Variants in SLC45A4 observed in about 807,000 individuals in gnomAD.
The protein encoded by SLC45A4 is polyamine-transporter SLC45A4.
Under a neutral mutation model 63.7 loss-of-function variants are expected in SLC45A4, and 32 were observed. The observed-to-expected ratio is 0.50, with a 90% CI of 0.38 to 0.67. The LOEUF is 0.67. SLC45A4 is among the 30% of genes least tolerant of loss of function. The probability of loss-of-function intolerance (pLI) is 0.00; values close to 1 mark genes in which losing one functional copy is unlikely to be tolerated. For missense variants in SLC45A4, 1,027 were observed against 1,157.7 expected (o/e 0.89, Z 1.64); for synonymous variants, 535 against 510.0 (o/e 1.05, Z -0.66).
chr8:141,217,187 G>C lies in SLC45A4; in HGVS notation c.1632C>G (p.Ala544=). The change falls in exon 6 of 9, where the codon GCC becomes GCG. Residue 544 remains alanine (A), a splice_region_variant and synonymous_variant. Coordinates refer to ENST00000517878, the MANE Select transcript of SLC45A4 (RefSeq NM_001286646.2). ...GQVIFEGDPK[A]PSNSTAWQAY... ...CTTGCCAGGCGGTCGAGTTCGAGGG[G>C]GCCTGTTCCGGAAATGAGACGGGGG... 6.2e-7 allele frequency: 1 copy of C among 1,613,546 alleles called. No individual in the cohort carries two copies. The highest frequency in any genetic ancestry group is 8.5e-7 in the Non-Finnish European group (1 of 1,179,938).
rs1569558771 is a variant in SLC45A4, at chr8:141,252,447, A to ACGCCCACCTGCGCGTCTGTGAATTTCCG, written c.241+1541_241+1542insCGGAAATTCACAGACGCGCAGGTGGGCG. Reference sequence around the variant, plus strand: ...CCCACCTGCGTGTCTGTGAATTTCCATGTTTTCACGCCCACCTGTGCGTCT... The same window carrying ACGCCCACCTGCGCGTCTGTGAATTTCCG: ...CCCACCTGCGTGTCTGTGAATTTCCACGCCCACCTGCGCGTCTGTGAATTTCCGTGTTTTCACGCCCACCTGTGCGTCT... On this transcript the variant is annotated intron_variant, in intron 2 of 8. Coordinates refer to ENST00000517878, the MANE Select transcript of SLC45A4 (RefSeq NM_001286646.2). 84 of 48,430 alleles carry ACGCCCACCTGCGCGTCTGTGAATTTCCG rather than the reference A, an allele frequency of 1.7e-3. 3 individuals carry two copies. The highest frequency in any genetic ancestry group is 0.015 in the Middle Eastern group (1 of 68). The allele number at this position is 48,430 out of a possible 1,614,324, so 3.0% of individuals were successfully genotyped here.
intron 3 of SLC45A4, 82 bp downstream of exon 3, chr8:141,221,495 T>C (rs891425783): frequency 2.0e-6 from 3 of 1,485,004 alleles, no homozygotes; most frequent in East Asian, 2.3e-5. Context: ...TTCAACACCA[T>C]TCAGCTTTTA....
intron 1 of SLC45A4, among the ~76,000 whole-genome samples, chr8:141,258,508 T>G (rs1307066414): frequency 6.6e-6 from 1 of 152,114 alleles, no homozygotes; most frequent in Non-Finnish European, 1.5e-5. Flanking sequence ...GAGCATGGAC[T>G]CCAACCTTGG....
At chr8:141,276,939 C>T (rs771928071) in intron 1 of SLC45A4, among the ~76,000 whole-genome samples, 31 of 152,182 alleles carry the variant, frequency 2.0e-4, no homozygotes, top group African/African-American at 3.1e-4. Flanking sequence ...TAGGTGCTGA[C>T]GTCCCCCCGG....
rs749871411 is a variant in SLC45A4 at position 141,212,289 on chromosome 8, C to T, written c.2209G>A (p.Glu737Lys). Residue 737 changes from glutamate (E) to lysine (K), a missense_variant, in exon 8 of 9, where the codon GAA becomes AAA. Physicochemically the swap from Glu to Lys is moderately conservative, Grantham distance 56. Transcript: ENST00000517878. ...TCGCTGTTCCCACCGGCCCTGCCTT[C>T]GCCGGCCAACGGGGAAGACAGGCCT... The part of the protein sequence containing the change: ...QKGLSSPLAG[E>K]GRAGGNSEKP... 23 of 1,606,930 alleles carry T rather than the reference C, an allele frequency of 1.4e-5. No individual in the cohort carries two copies. Among genetic ancestry groups the T allele is most frequent in the South Asian group, 6.6e-5 (6 of 90,748 alleles).
At position 141,212,203 on chromosome 8, in the gene SLC45A4, C is replaced by T; in HGVS notation, c.2295G>A (p.Glu765=). The change falls in exon 8 of 9, where the codon GAG becomes GAA. Residue 765 remains glutamate (E), a synonymous_variant. Transcript: ENST00000517878. ...KEGLQGPVET[E]SVTPAGIDVC... ...ACGGGAGTGCGGCTCAGACCACGGA[C>T]TCTGTCTCCACCGGTCCCTGCAGGC... is the stretch of plus-strand genomic sequence containing the variant. 2 of 1,503,440 alleles carry T rather than the reference C, an allele frequency of 1.3e-6. No homozygotes were observed. Among genetic ancestry groups the T allele is most frequent in the East Asian group, 4.7e-5 (2 of 42,476 alleles). The allele number at this position is 1,503,440 out of a possible 1,614,324, so 93.1% of individuals were successfully genotyped here. A position where few individuals can be genotyped will look rare whatever the true frequency, so the allele number is the denominator to read the frequency against.
Position 141,215,203 on chromosome 8 carries a change from CAT to C in SLC45A4, c.1941+554_1941+555del, listed in dbSNP as rs1380982213. On this transcript the variant is annotated intron_variant, in intron 7 of 8. Coordinates refer to ENST00000517878, the MANE Select transcript of SLC45A4 (RefSeq NM_001286646.2). The surrounding 1 kb of genome is among the most constrained non-coding windows in gnomAD (Gnocchi z 4.3). ...TGAGCATTTGAGATAAAGCTCGTCTCATGTGTGATGTGCTGTGATGTAACATA... is the reference window on the plus strand; with the variant it reads ...TGAGCATTTGAGATAAAGCTCGTCTCGTGTGATGTGCTGTGATGTAACATA... Among the ~76,000 whole-genome samples the C allele has an allele frequency of 6.6e-6, 1 of 152,224 alleles. No homozygotes were observed. Among genetic ancestry groups the C allele is most frequent in the Non-Finnish European group, 1.5e-5 (1 of 68,040 alleles).
At chr8:141,265,434 C>T (rs992474383) in intron 1 of SLC45A4, among the ~76,000 whole-genome samples, 2 of 152,216 alleles carry the variant, frequency 1.3e-5, no homozygotes, top group African/African-American at 2.4e-5. Context: ...TCTCACACTG[C>T]GCGGGGGCAA....
chr8:141,275,674 C>A (rs1375238750), intron 1 of SLC45A4, among the ~76,000 whole-genome samples: 1 of 151,278 alleles, frequency 6.6e-6, no homozygotes, highest in Non-Finnish European at 1.5e-5. Flanking sequence ...CACTAAGAAA[C>A]CTTAAATATC....
intron 1 of SLC45A4, among the ~76,000 whole-genome samples, chr8:141,306,682 G>A (rs1018463522): frequency 4.6e-5 from 7 of 152,204 alleles, no homozygotes; most frequent in African/African-American, 1.7e-4. Flanking sequence ...AATAACAGAA[G>A]GATAAGATTC....
intron 2 of SLC45A4, among the ~76,000 whole-genome samples, chr8:141,232,814 G>A (rs1389588360): frequency 6.6e-6 from 1 of 152,248 alleles, no homozygotes; most frequent in Non-Finnish European, 1.5e-5. Context: ...GCGCTCGCGA[G>A]CTGCAACGGG....
intron 1 of SLC45A4, among the ~76,000 whole-genome samples, chr8:141,297,671 T>C (rs1315536326): frequency 1.3e-5 from 2 of 152,236 alleles, no homozygotes; most frequent in East Asian, 3.9e-4. Flanking sequence ...GCCCGGCCAG[T>C]GGCCATGCCA....
intron 1 of SLC45A4, among the ~76,000 whole-genome samples, chr8:141,265,222 G>T (rs62524182): frequency 0.061 from 9,273 of 152,288 alleles, 443 homozygotes; most frequent in Admixed American, 0.15. Flanking sequence ...CTCACCCACA[G>T]CCCTTGCTGG....
In SLC45A4 at chr8:141,254,084, A is replaced by G. The variant is rs1235124915; in HGVS notation, c.146T>C (p.Met49Thr). ...ISEGSIDRIPMRLWVMHGAVM... is the reference protein window; with the variant it reads ...ISEGSIDRIPTRLWVMHGAVM... Reference sequence around the variant, plus strand: ...CGCCCCGTGCATCACCCACAGGCGCATGGGGATTCGGTCTATGGACCCCTC... The same window carrying G: ...CGCCCCGTGCATCACCCACAGGCGCGTGGGGATTCGGTCTATGGACCCCTC... The change falls in exon 2 of 9, where the codon ATG becomes ACG. Residue 49 changes from methionine (M) to threonine (T), a missense_variant. By Grantham distance (81) the Met-to-Thr change is moderately conservative. Transcript: ENST00000517878. This position sits in a 1 kb window ranked among gnomAD's most constrained non-coding sequence, Gnocchi z 4.5. The G allele has an allele frequency of 7.8e-6, 12 of 1,536,058 alleles. No individual in the cohort carries two copies. Among genetic ancestry groups the G allele is most frequent in the Admixed American group, 2.0e-5 (1 of 50,984 alleles).
intron 1 of SLC45A4, among the ~76,000 whole-genome samples, chr8:141,270,893 G>T (rs1465820938): frequency 1.3e-5 from 2 of 152,170 alleles, no homozygotes; most frequent in East Asian, 3.9e-4. Flanking sequence ...TCACGTGCTT[G>T]TGTCTCCCCA....
chr8:141,247,322 A>G (rs1190827232), intron 2 of SLC45A4, among the ~76,000 whole-genome samples: 4 of 100,264 alleles, frequency 4.0e-5, no homozygotes, highest in Admixed American at 1.8e-4. Flanking sequence ...ATTTACAATA[A>G]CATGATAACA....
intron 5 of SLC45A4, 90 bp downstream of exon 5, chr8:141,217,921 G>A: frequency 6.9e-7 from 1 of 1,439,250 alleles, no homozygotes; most frequent in East Asian, 2.5e-5. Flanking sequence ...GTGGGCACGA[G>A]GAAGAGGCCC....
intron 1 of SLC45A4, among the ~76,000 whole-genome samples, chr8:141,266,477 C>T (rs1428983984): frequency 1.3e-5 from 2 of 152,178 alleles, no homozygotes; most frequent in South Asian, 4.1e-4. Context: ...ACGGCCGGCA[C>T]GTGTCTTCCT....
At position 141,278,583 on chromosome 8, in the gene SLC45A4, G is replaced by C. The variant is rs1402605568; in HGVS notation, c.-400-23954C>G. ...TGCAGTGGAGGTGGGGCGGGCAGCCGAAGGAGAGACAGGCCTCTGCCCCCT... is the reference window on the plus strand; with the variant it reads ...TGCAGTGGAGGTGGGGCGGGCAGCCCAAGGAGAGACAGGCCTCTGCCCCCT... On this transcript the variant is annotated intron_variant, in intron 1 of 8. Coordinates refer to ENST00000517878, the MANE Select transcript of SLC45A4 (RefSeq NM_001286646.2). The surrounding 1 kb of genome is among the most constrained non-coding windows in gnomAD (Gnocchi z 4.1). Among the ~76,000 whole-genome samples the C allele has an allele frequency of 1.3e-5, 2 of 152,186 alleles. No individual in the cohort carries two copies. Among genetic ancestry groups the C allele is most frequent in the Admixed American group, 6.5e-5 (1 of 15,286 alleles).
Sources: gnomAD v4.1 joint callset for allele counts (sites outside exome capture counted in the v4.1 genomes callset) on GRCh38, gnomAD v4.1.1 for gene constraint, Gnocchi (gnomAD v3.1) non-coding constraint, MANE v1.5 for transcripts, NCBI Gene and HGNC (gene_info 2026-07-23, HGNC 2026-07-21) for gene names.